The following NDUFS4 variants were observed in gnomAD, a reference collection of about 807,000 sequenced individuals.
The protein encoded by NDUFS4 is NADH:ubiquinone oxidoreductase subunit S4.
In NDUFS4, 28 loss-of-function variants were observed where a neutral mutation model predicts 24.3. That is an observed-to-expected ratio of 1.15 (90% CI 0.85 to 1.58). The LOEUF (loss-of-function observed/expected upper bound fraction) is 1.58. NDUFS4 is among the 40% of genes most tolerant of loss of function. The probability of loss-of-function intolerance (pLI) is 0.00; values close to 1 mark genes in which losing one functional copy is unlikely to be tolerated. For missense variants in NDUFS4, 223 were observed against 207.9 expected, an observed-to-expected ratio of 1.07 and a Z score of -0.45; for synonymous variants, 93 against 69.7, an observed-to-expected ratio of 1.34 and a Z score of -1.67.
chr5:53,608,273 G>T (rs1334062228), intron 2 of NDUFS4, among the ~76,000 whole-genome samples: 1 of 152,146 alleles, frequency 6.6e-6, no homozygotes, highest in Non-Finnish European at 1.5e-5. Context: ...AGCCTTTAGG[G>T]AATCGTAATC....
chr5:53,591,684 G>A (rs539540453), intron 1 of NDUFS4, among the ~76,000 whole-genome samples: 16 of 151,560 alleles, frequency 1.1e-4, no homozygotes, highest in African/African-American at 3.4e-4. Flanking sequence ...GTACCATTTC[G>A]CATTCCCACC....
At chr5:53,620,089 C>T (rs1351243168) in intron 2 of NDUFS4, among the ~76,000 whole-genome samples, 1 of 151,584 alleles carries the variant, frequency 6.6e-6, no homozygotes, top group African/African-American at 2.4e-5. Context: ...CAAGACCAGC[C>T]TGGGCAACAT....
At chr5:53,570,674 A>ATTTTTT (rs376174216) in intron 1 of NDUFS4, among the ~76,000 whole-genome samples, 1 of 127,986 alleles carries the variant, frequency 7.8e-6, no homozygotes. Context: ...TTTGTATTGT[A>ATTTTTT]TTTTTTTTTC....
intron 1 of NDUFS4, among the ~76,000 whole-genome samples, chr5:53,602,260 CTTCT>C (rs1750347841): frequency 6.6e-6 from 1 of 152,106 alleles, no homozygotes; most frequent in Non-Finnish European, 1.5e-5. Flanking sequence ...CTTAATTATA[CTTCT>C]TTAATATAAC....
chr5:53,650,005 T>G (rs111317910), intron 3 of NDUFS4, among the ~76,000 whole-genome samples: 27 of 152,348 alleles, frequency 1.8e-4, no homozygotes, highest in African/African-American at 5.3e-4. Context: ...ATATAATATA[T>G]AGAGTCATTT....
At chr5:53,623,942 T>C (rs1751139915) in intron 2 of NDUFS4, among the ~76,000 whole-genome samples, 1 of 152,106 alleles carries the variant, frequency 6.6e-6, no homozygotes, top group Non-Finnish European at 1.5e-5. Flanking sequence ...TACTCTTGAA[T>C]TCCTGACCTC....
At chr5:53,586,747 T>TC (rs999101423) in intron 1 of NDUFS4, among the ~76,000 whole-genome samples, 6 of 151,902 alleles carry the variant, frequency 3.9e-5, no homozygotes, top group African/African-American at 1.4e-4. Context: ...ATGGTCTTGA[T>TC]CTCCTGACCT....
intron 1 of NDUFS4, among the ~76,000 whole-genome samples, chr5:53,571,983 A>G (rs1749224162): frequency 1.3e-5 from 2 of 152,202 alleles, no homozygotes; most frequent in Admixed American, 1.3e-4. Context: ...TGAGCCCCCT[A>G]CAACTAAAGA....
intron 1 of NDUFS4, among the ~76,000 whole-genome samples, chr5:53,566,091 T>C (rs1013540756): frequency 1.3e-5 from 2 of 152,188 alleles, no homozygotes; most frequent in African/African-American, 4.8e-5. Context: ...GAGAATCGCT[T>C]GAACCTGGGA....
chr5:53,627,723 A>G (rs1368559351), intron 2 of NDUFS4, among the ~76,000 whole-genome samples: 1 of 152,244 alleles, frequency 6.6e-6, no homozygotes, highest in Admixed American at 6.5e-5. Flanking sequence ...ATTTTTGCAT[A>G]TTGATTTTGT....
chr5:53,572,716 T>G (rs918504092), intron 1 of NDUFS4, among the ~76,000 whole-genome samples: 4 of 151,624 alleles, frequency 2.6e-5, no homozygotes, highest in Non-Finnish European at 5.9e-5. Flanking sequence ...CAATCTTGGC[T>G]TACTGCAACC....
intron 1 of NDUFS4, among the ~76,000 whole-genome samples, chr5:53,571,449 G>T (rs1195868578): frequency 1.3e-5 from 2 of 152,164 alleles, no homozygotes; most frequent in Non-Finnish European, 2.9e-5. Context: ...CATCTGGATT[G>T]TTTCTACCTT....
At chr5:53,563,652 C>T (rs1244312010) in intron 1 of NDUFS4, among the ~76,000 whole-genome samples, 2 of 152,066 alleles carry the variant, frequency 1.3e-5, no homozygotes, top group African/African-American at 4.8e-5. Context: ...CAGGTGCCCA[C>T]CACCTCGCCC....
At chr5:53,588,077 C>T (rs1390845261) in intron 1 of NDUFS4, among the ~76,000 whole-genome samples, 1 of 152,148 alleles carries the variant, frequency 6.6e-6, no homozygotes, top group Non-Finnish European at 1.5e-5. Flanking sequence ...TGGTTCCAGA[C>T]CACCACTAGA....
chr5:53,580,663 CTCTCTTTCTTTCTT>C (rs1365141051), intron 1 of NDUFS4, among the ~76,000 whole-genome samples: 7 of 146,592 alleles, frequency 4.8e-5, no homozygotes, highest in Non-Finnish European at 7.6e-5. Context: ...CTTTCTTTCT[CTCTCTTTCTTTCTT>C]TCTCTTTCGT....
chr5:53,595,994 C>CT (rs1445964923), intron 1 of NDUFS4, among the ~76,000 whole-genome samples: 6 of 152,138 alleles, frequency 3.9e-5, no homozygotes, highest in African/African-American at 1.2e-4. Context: ...ACTGCAAAAA[C>CT]TTTAAGTGAG....
intron 1 of NDUFS4, among the ~76,000 whole-genome samples, chr5:53,601,626 C>T (rs891304900): frequency 1.3e-5 from 2 of 151,924 alleles, no homozygotes. Flanking sequence ...TTTTAGTTAC[C>T]CACGGTCAGC....
chr5:53,646,254 G>C lies in NDUFS4; in HGVS notation c.199G>C (p.Val67Leu), dbSNP rs777667537. ...GTAGGATATCACTACTTTAACTGGA[G>C]TTCCAGAAGAGCATATAAAAACTAG... ...EKLDITTLTG[V>L]PEEHIKTRKV... The change falls in exon 3 of 5, where the codon GTT (valine) becomes CTT (leucine). Residue 67 changes from valine (V) to leucine (L), a missense_variant. Val to Leu is a conservative substitution (Grantham distance 32). Coordinates refer to ENST00000296684, the MANE Select transcript of NDUFS4 (RefSeq NM_002495.4). 6 of 1,611,666 alleles carry C rather than the reference G, an allele frequency of 3.7e-6. No individual in the cohort carries two copies. The South Asian group carries it at 6.6e-5, about 18-fold the overall frequency.
chr5:53,645,495 T>A (rs954440738), intron 2 of NDUFS4, among the ~76,000 whole-genome samples: 3 of 152,190 alleles, frequency 2.0e-5, no homozygotes, highest in Admixed American at 6.5e-5. Flanking sequence ...GCATCAAAAT[T>A]CTGTGCATTT....
Sources: allele counts gnomAD v4.1 joint callset (sites outside exome capture counted in the v4.1 genomes callset), GRCh38; gene constraint gnomAD v4.1.1; transcripts MANE v1.5; gene names NCBI Gene and HGNC (gene_info 2026-07-23, HGNC 2026-07-21).